SLC3A2: variants seen among roughly 807,000 people sequenced by gnomAD.
SLC3A2 encodes the protein amino acid transporter heavy chain SLC3A2.
In SLC3A2, 32 loss-of-function variants were observed where a neutral mutation model predicts 48.5. The observed-to-expected ratio is 0.66, with a 90% CI of 0.50 to 0.89. The LOEUF (loss-of-function observed/expected upper bound fraction) is 0.89, where lower values mean the gene tolerates loss of function less well. Ranked by LOEUF, SLC3A2 falls within the 40% of genes least tolerant of loss-of-function variation. The pLI is 0.00. For missense variants in SLC3A2, 587 were observed against 680.7 expected (o/e 0.86, Z 1.53); for synonymous variants, 277 against 288.8 (o/e 0.96, Z 0.41).
intron 1 of SLC3A2, among the ~76,000 whole-genome samples, chr11:62,874,571 A>G (rs185152364): frequency 1.2e-3 from 182 of 152,170 alleles, no homozygotes; most frequent in African/African-American, 4.2e-3. Flanking sequence ...TAGTAAGACA[A>G]CCCTGACAGG....
Position 62,885,204 on chromosome 11 carries a change from C to A in SLC3A2, c.846C>A (p.Ser282=). 6.2e-7 allele frequency: 1 copy of A among 1,614,152 alleles called. No individual in the cohort carries two copies. Residue 282 remains serine, a synonymous_variant, in exon 6 of 9, where the codon TCC becomes TCA. Coordinates refer to ENST00000338663, the MANE Select transcript of SLC3A2 (RefSeq NM_001013251.3). ...DRLLIAGTNS[S]DLQQILSLLE... The stretch of plus-strand genomic sequence containing the variant: ...TCTTGATTGCGGGGACTAACTCCTC[C>A]GACCTTCAGCAGATCCTGAGCCTAC...
rs2085640733 is a variant in SLC3A2 at position 62,881,636 on chromosome 11, G to T, written c.424+189G>T. 5 of 836,558 alleles carry T rather than the reference G, an allele frequency of 6.0e-6. No individual in the cohort carries two copies. Among genetic ancestry groups the T allele is most frequent in the Non-Finnish European group, 8.3e-6 (5 of 601,808 alleles). The allele number at this position is 836,558 out of a possible 1,614,324, so 51.8% of individuals were successfully genotyped here. A position where few individuals can be genotyped will look rare whatever the true frequency, so the allele number is the denominator to read the frequency against. Reference sequence around the variant, plus strand: ...TCCTTTCTTTGAAGAAAGCCGACCCGCCCCTCACTCCGTCACGAGGGTGGG... The same window carrying T: ...TCCTTTCTTTGAAGAAAGCCGACCCTCCCCTCACTCCGTCACGAGGGTGGG... On this transcript the variant is annotated intron_variant, in intron 1 of 8. Transcript: ENST00000338663. This position sits in a 1 kb window ranked among gnomAD's most constrained non-coding sequence, Gnocchi z 4.0.
intron 5 of SLC3A2, 46 bp from the exon 6 acceptor site, chr11:62,885,131 C>T (rs965360903): frequency 8.1e-6 from 13 of 1,602,242 alleles, no homozygotes; most frequent in Non-Finnish European, 1.1e-5. Flanking sequence ...GCGCCTGGCC[C>T]CATTCTTTCT....
chr11:62,865,531 G>C (rs951255147), intron 1 of SLC3A2, among the ~76,000 whole-genome samples: 1 of 148,552 alleles, frequency 6.7e-6, no homozygotes, highest in African/African-American at 2.5e-5. Context: ...ACTCCAGCCT[G>C]GGCAACAGAG....
chr11:62,856,438 GA>G, intron 1 of SLC3A2: 1 of 1,465,294 alleles, frequency 6.8e-7, no homozygotes, highest in Admixed American at 1.9e-5. Context: ...GCCATTTCGG[GA>G]AAGTATGTCA....
chr11:62,869,879 T>G (rs1207666502), intron 1 of SLC3A2, among the ~76,000 whole-genome samples: 2 of 149,636 alleles, frequency 1.3e-5, no homozygotes, highest in Non-Finnish European at 3.0e-5. Context: ...GCCTCCCGGG[T>G]TCAAGCTATT....
At chr11:62,865,015 G>GT (rs2085438700) in intron 1 of SLC3A2, among the ~76,000 whole-genome samples, 1 of 152,124 alleles carries the variant, frequency 6.6e-6, no homozygotes, top group South Asian at 2.1e-4. Flanking sequence ...CCTGACACCT[G>GT]TAAGTCCCCA....
intron 8 of SLC3A2, 40 bp downstream of exon 8, chr11:62,888,258 T>C (rs749656402): frequency 6.2e-7 from 1 of 1,610,166 alleles, no homozygotes; most frequent in East Asian, 2.2e-5. Flanking sequence ...CGGTGGAGGG[T>C]GGGCTGGGCT....
intron 1 of SLC3A2, among the ~76,000 whole-genome samples, chr11:62,861,206 A>G (rs577686923): frequency 6.7e-6 from 1 of 150,340 alleles, no homozygotes; most frequent in Non-Finnish European, 1.5e-5. Flanking sequence ...GTGGTGGTGC[A>G]TGTGTATAGT....
intron 7 of SLC3A2, chr11:62,886,482 C>G (rs193210509): frequency 5.9e-5 from 9 of 151,696 alleles, no homozygotes; most frequent in Admixed American, 2.6e-4. Context: ...GTGGCATGAT[C>G]TTGGTTCATT....
At chr11:62,883,965 T>A (rs1232403698) in intron 3 of SLC3A2, 1 of 456,262 alleles carries the variant, frequency 2.2e-6, no homozygotes, top group African/African-American at 2.0e-5. Flanking sequence ...CTCTGAGCAG[T>A]TATTGTACTC....
rs1464955901 is a variant in SLC3A2, at chr11:62,884,452, T to A, written c.691-5T>A. ...GTCTGTCCTTTATTCTTCTGCCCCCTATAGGATGCTCTGGAGTTTTGGCTG... is the reference window on the plus strand; with the variant it reads ...GTCTGTCCTTTATTCTTCTGCCCCCAATAGGATGCTCTGGAGTTTTGGCTG... On this transcript the variant is annotated splice_polypyrimidine_tract_variant and splice_region_variant and intron_variant, in intron 3 of 8. Transcript: ENST00000338663. 2 of 1,614,032 alleles carry A rather than the reference T, an allele frequency of 1.2e-6. No homozygotes were observed. Among genetic ancestry groups the A allele is most frequent in the Non-Finnish European group, 1.7e-6 (2 of 1,180,024 alleles).
Position 62,881,886 on chromosome 11 carries a change from A to AC in SLC3A2, c.425-7_425-6insC. 1.9e-6 allele frequency: 3 copies of AC among 1,613,162 alleles called. No homozygotes were observed. Among genetic ancestry groups the AC allele is most frequent in the Non-Finnish European group, 2.5e-6 (3 of 1,179,446 alleles). On this transcript the variant is annotated splice_polypyrimidine_tract_variant and splice_region_variant and intron_variant, in intron 1 of 8. Transcript: ENST00000338663. This position sits in a 1 kb window ranked among gnomAD's most constrained non-coding sequence, Gnocchi z 4.0. ...GGCCTCACTTGTTAACCCAGCCCCC[A>AC]TTTCAGGTCTGAAGGGGCGTCTCGA...
chr11:62,881,316 G>A lies in SLC3A2; in HGVS notation c.293G>A (p.Gly98Asp). The change falls in exon 1 of 9, where the codon GGT (glycine) becomes GAT (aspartate). Residue 98 changes from glycine (G) to aspartate (D), a missense_variant. This residue lies in a region of SLC3A2 where 409 missense variants were observed against 446.7 expected (regional missense o/e 0.92). Coordinates refer to ENST00000338663, the MANE Select transcript of SLC3A2 (RefSeq NM_001013251.3). The surrounding 1 kb of genome is among the most constrained non-coding windows in gnomAD (Gnocchi z 4.0). ...FWLGWLGMLA[G>D]AVVIIVRAPR... ...CTCGGCTGGCTCGGCATGCTTGCTG[G>A]TGCCGTGGTCATAATCGTGCGAGCG... 6.3e-7 allele frequency: 1 copy of A among 1,580,414 alleles called. No homozygotes were observed. The highest frequency in any genetic ancestry group is 8.6e-7 in the Non-Finnish European group (1 of 1,167,152).
In SLC3A2 at chr11:62,888,723, C is replaced by T. The variant is rs1051237; in HGVS notation, c.*30C>T. 5 of 1,526,594 alleles carry T rather than the reference C, an allele frequency of 3.3e-6. No individual in the cohort carries two copies. The highest frequency in any genetic ancestry group is 4.4e-6 in the Non-Finnish European group (5 of 1,140,026). The allele number at this position is 1,526,594 out of a possible 1,614,324, so 94.6% of individuals were successfully genotyped here. A position where few individuals can be genotyped will look rare whatever the true frequency, so the allele number is the denominator to read the frequency against. ...AGCCTGACATGGACCCACTACCCTT[C>T]TCCTTTCCTTCCCAGGCCCTTTGGC... On this transcript the variant is annotated 3_prime_UTR_variant, in exon 9 of 9. Transcript: ENST00000338663.
At chr11:62,871,698 T>C in intron 1 of SLC3A2, 1 of 585,370 alleles carries the variant, frequency 1.7e-6, no homozygotes. Context: ...AATAACATGC[T>C]TGCTATCTGG....
At chr11:62,869,563 T>G (rs1390073186) in intron 1 of SLC3A2, among the ~76,000 whole-genome samples, 1 of 150,456 alleles carries the variant, frequency 6.6e-6, no homozygotes, top group East Asian at 2.0e-4. Context: ...AATTTCTATT[T>G]GGTGATTTTT....
At chr11:62,882,693 G>T in intron 2 of SLC3A2, 1 of 520,626 alleles carries the variant, frequency 1.9e-6, no homozygotes, top group East Asian at 3.3e-5. Context: ...CATGTTGACC[G>T]GTCTGGTTTT....
At chr11:62,857,053 C>G (rs934216582) in intron 1 of SLC3A2, among the ~76,000 whole-genome samples, 4 of 152,030 alleles carry the variant, frequency 2.6e-5, no homozygotes, top group Admixed American at 6.6e-5. Context: ...GAACTCCTGA[C>G]CTCGGGTGAT....
Sources: allele counts gnomAD v4.1 joint callset (sites outside exome capture counted in the v4.1 genomes callset), GRCh38; gene constraint gnomAD v4.1.1; regional missense constraint gnomAD v4.1.1; non-coding constraint Gnocchi (gnomAD v3.1); transcripts MANE v1.5; gene names NCBI Gene and HGNC (gene_info 2026-07-23, HGNC 2026-07-21).